SEC11A: variants seen among roughly 807,000 people sequenced by gnomAD.
SEC11A encodes the protein signal peptidase complex catalytic subunit SEC11A.
In SEC11A, 14 loss-of-function variants were observed where a neutral mutation model predicts 25.6. That is an observed-to-expected ratio of 0.55 (90% CI 0.36 to 0.85). The LOEUF is 0.85. Among genes scored for constraint, SEC11A ranks in the 40% least tolerant of loss-of-function variants. The pLI, the probability that SEC11A is intolerant of heterozygous loss-of-function variation, is 0.01. For synonymous variants in SEC11A, 83 were observed against 76.4 expected (o/e 1.09, Z -0.45); for missense variants, 153 against 222.9 (o/e 0.69, Z 2.00).
At chr15:84,679,117 ACTTTG>A (rs1341182826) in intron 4 of SEC11A, 2 of 327,118 alleles carry the variant, frequency 6.1e-6, no homozygotes, top group South Asian at 6.0e-5. Context: ...ACAAGAAGTG[ACTTTG>A]CTTTTTGATT....
At chr15:84,703,677 A>G (rs1027277601) in intron 1 of SEC11A, among the ~76,000 whole-genome samples, 1 of 152,240 alleles carries the variant, frequency 6.6e-6, no homozygotes, top group Non-Finnish European at 1.5e-5. Flanking sequence ...AGATGACTAC[A>G]GATGTAGATT....
chr15:84,697,274 T>C (rs963874304), intron 1 of SEC11A, among the ~76,000 whole-genome samples: 5 of 151,944 alleles, frequency 3.3e-5, no homozygotes, highest in African/African-American at 1.2e-4. Flanking sequence ...AAAATAATAA[T>C]ACAATAAAAA....
intron 1 of SEC11A, among the ~76,000 whole-genome samples, chr15:84,700,591 CTCAAAAAAAAAAAAAAAAAAAAAA>C: frequency 2.0e-5 from 1 of 49,906 alleles, no homozygotes; most frequent in Non-Finnish European, 3.2e-5. Flanking sequence ...AAGACTCTGT[CTCAAAAAAAAAAAAAAAAAAAAAA>C]AAAAAAAAAA....
intron 4 of SEC11A, chr15:84,679,360 A>T (rs1263045601): frequency 5.8e-6 from 3 of 521,360 alleles, no homozygotes; most frequent in South Asian, 4.7e-5. Context: ...ATATTAAAAC[A>T]ACAATAACAA....
At chr15:84,687,056 G>C (rs947404708) in intron 3 of SEC11A, 1 of 152,186 alleles carries the variant, frequency 6.6e-6, no homozygotes, top group Admixed American at 6.6e-5. Flanking sequence ...TATTTTAGTA[G>C]AGACAGGGTT....
At chr15:84,680,282 C>T (rs1897252263) in intron 4 of SEC11A, among the ~76,000 whole-genome samples, 1 of 145,986 alleles carries the variant, frequency 6.8e-6, no homozygotes, top group East Asian at 2.0e-4. Flanking sequence ...GCCTGGGTGA[C>T]AGAGCAAGAC....
At chr15:84,677,896 C>T (rs1404338366) in intron 4 of SEC11A, among the ~76,000 whole-genome samples, 1 of 152,168 alleles carries the variant, frequency 6.6e-6, no homozygotes, top group Admixed American at 6.5e-5. Context: ...GTAATAAACA[C>T]TTAAGAATCA....
chr15:84,715,895 G>C, intron 1 of SEC11A, 130 bp downstream of exon 1: 1 of 839,350 alleles, frequency 1.2e-6, no homozygotes, highest in Non-Finnish European at 1.9e-6. Context: ...AGTCTCCAAA[G>C]AAAGCGAATG....
chr15:84,680,641 T>C, intron 4 of SEC11A, 72 bp downstream of exon 4: 1 of 1,415,058 alleles, frequency 7.1e-7, no homozygotes, highest in Non-Finnish European at 9.5e-7. Context: ...CTGTGTATGA[T>C]CAAATAATAT....
intron 1 of SEC11A, among the ~76,000 whole-genome samples, chr15:84,708,915 AG>A (rs1898180583): frequency 6.6e-6 from 1 of 152,218 alleles, no homozygotes; most frequent in Non-Finnish European, 1.5e-5. Context: ...GATCCTATTA[AG>A]TCTCAAGGAC....
intron 1 of SEC11A, among the ~76,000 whole-genome samples, chr15:84,706,927 A>G (rs1898111511): frequency 6.6e-6 from 1 of 152,214 alleles, no homozygotes. Flanking sequence ...CTGACAGGCT[A>G]GCAGAATTCA....
chr15:84,701,873 C>T (rs1897954211), intron 1 of SEC11A, among the ~76,000 whole-genome samples: 1 of 151,700 alleles, frequency 6.6e-6, no homozygotes, highest in East Asian at 2.0e-4. Context: ...TCGAGACCAT[C>T]CTGGCCAACA....
At chr15:84,710,973 G>A (rs901770336) in intron 1 of SEC11A, among the ~76,000 whole-genome samples, 3 of 151,944 alleles carry the variant, frequency 2.0e-5, no homozygotes, top group Admixed American at 6.6e-5. Flanking sequence ...GGGAAGCTGA[G>A]GCAGGAGAAT....
intron 1 of SEC11A, among the ~76,000 whole-genome samples, chr15:84,697,331 C>T (rs1897796997): frequency 6.6e-6 from 1 of 152,128 alleles, no homozygotes; most frequent in Non-Finnish European, 1.5e-5. Flanking sequence ...CAAGAAAGGT[C>T]ACTATCCCAG....
intron 1 of SEC11A, among the ~76,000 whole-genome samples, chr15:84,708,775 G>A (rs901526599): frequency 2.6e-5 from 4 of 151,308 alleles, no homozygotes; most frequent in Admixed American, 1.3e-4. Flanking sequence ...GTGACAGAGC[G>A]AGACCTTATC....
intron 2 of SEC11A, among the ~76,000 whole-genome samples, chr15:84,690,634 A>G (rs927345667): frequency 1.3e-5 from 2 of 152,002 alleles, no homozygotes; most frequent in African/African-American, 4.8e-5. Flanking sequence ...AATATTCACT[A>G]AGAGTATGAG....
At chr15:84,713,905 G>C (rs528298923) in intron 1 of SEC11A, among the ~76,000 whole-genome samples, 113 of 152,038 alleles carry the variant, frequency 7.4e-4, no homozygotes, top group Non-Finnish European at 1.4e-3. Flanking sequence ...GCCCTGACTG[G>C]AACCTCTCAA....
At chr15:84,701,230 C>G (rs987877498) in intron 1 of SEC11A, among the ~76,000 whole-genome samples, 2 of 150,950 alleles carry the variant, frequency 1.3e-5, no homozygotes, top group Non-Finnish European at 2.9e-5. Flanking sequence ...AGCTACTCAG[C>G]AAGAGGCTGT....
At chr15:84,674,385 G>A (rs989739154) in intron 4 of SEC11A, among the ~76,000 whole-genome samples, 1 of 152,012 alleles carries the variant, frequency 6.6e-6, no homozygotes, top group African/African-American at 2.4e-5. Context: ...AAAAGCATCT[G>A]TGATTTCTAC....
Sources: allele counts gnomAD v4.1 joint callset (sites outside exome capture counted in the v4.1 genomes callset), GRCh38; gene constraint gnomAD v4.1.1; transcripts MANE v1.5; gene names NCBI Gene and HGNC (gene_info 2026-07-23, HGNC 2026-07-21).